TESK2: variants seen among roughly 807,000 people sequenced by gnomAD.
TESK2 encodes dual specificity testis-specific protein kinase 2.
TESK2 carries 39 observed loss-of-function variants against 57.1 expected under a neutral mutation model. The ratio of observed to expected loss-of-function variants is 0.68; its 90% CI spans 0.53 to 0.89. The LOEUF (loss-of-function observed/expected upper bound fraction) is 0.89, where lower values mean the gene tolerates loss of function less well. Ranked by LOEUF, TESK2 falls within the 40% of genes least tolerant of loss-of-function variation. The pLI is 0.00. For synonymous variants in TESK2, 249 were observed against 267.9 expected, an observed-to-expected ratio of 0.93 and a Z score of 0.69; for missense variants, 646 against 732.1, an observed-to-expected ratio of 0.88 and a Z score of 1.36.
chr1:45,432,446 CT>C (rs1201954794), intron 2 of TESK2, among the ~76,000 whole-genome samples: 4 of 151,826 alleles, frequency 2.6e-5, no homozygotes, highest in African/African-American at 9.7e-5. Flanking sequence ...AATCCCAGCA[CT>C]TTTGGAGGCC....
Position 45,421,843 on chromosome 1 carries a change from G to T in TESK2, c.226C>A (p.Arg76=). ...SGFFSEVFKV[R]HRASGQVMAL... ...ATCACCTGACCAGAAGCTCGGTGTCGTACCTAGAATATTAAATAGAACAAG... is the reference window on the plus strand; with the variant it reads ...ATCACCTGACCAGAAGCTCGGTGTCTTACCTAGAATATTAAATAGAACAAG... The change falls in exon 3 of 11, where the codon CGA becomes AGA. Residue 76 remains arginine (R), a synonymous_variant. Transcript: ENST00000372086. The T allele has an allele frequency of 6.2e-7, 1 of 1,613,806 alleles. No individual in the cohort carries two copies. The highest frequency in any genetic ancestry group is 8.5e-7 in the Non-Finnish European group (1 of 1,179,950).
chr1:45,385,710 GTATA>G lies in TESK2; in HGVS notation c.393+198_393+201del, dbSNP rs754585734. On this transcript the variant is annotated intron_variant, in intron 4 of 10. Coordinates refer to ENST00000372086, the MANE Select transcript of TESK2 (RefSeq NM_007170.3). Reference sequence around the variant, plus strand: ...ACTTAAAGTGTATGTGTGTGTGTGTGTATATATATATATATATATATATATAAAG... The same window carrying G: ...ACTTAAAGTGTATGTGTGTGTGTGTGTATATATATATATATATATATAAAG... Among the ~76,000 whole-genome samples, 212 of 135,278 alleles carry G rather than the reference GTATA, an allele frequency of 1.6e-3. 1 individual carries two copies. Among genetic ancestry groups the G allele is most frequent in the East Asian group, 0.014 (70 of 4,832 alleles). The allele number at this position is 135,278 out of a possible 152,430, so 88.7% of individuals were successfully genotyped here.
intron 2 of TESK2, among the ~76,000 whole-genome samples, chr1:45,447,269 C>T (rs1341830516): frequency 6.6e-6 from 1 of 152,122 alleles, no homozygotes; most frequent in African/African-American, 2.4e-5. Context: ...CACAGTAACA[C>T]TTAGCTTAAA....
chr1:45,439,875 T>C (rs1651369486), intron 2 of TESK2, among the ~76,000 whole-genome samples: 1 of 152,112 alleles, frequency 6.6e-6, no homozygotes, highest in Non-Finnish European at 1.5e-5. Context: ...GGAGGATCAC[T>C]TGAGCCCAGC....
At chr1:45,361,032 T>C (rs1448182981) in intron 4 of TESK2, among the ~76,000 whole-genome samples, 1 of 152,098 alleles carries the variant, frequency 6.6e-6, no homozygotes, top group Non-Finnish European at 1.5e-5. Flanking sequence ...TGGCCAGGCT[T>C]GTCTCGAACT....
intron 4 of TESK2, among the ~76,000 whole-genome samples, chr1:45,379,398 A>G (rs1648561696): frequency 6.6e-6 from 1 of 152,188 alleles, no homozygotes; most frequent in African/African-American, 2.4e-5. Flanking sequence ...GCCTGGCCTC[A>G]TATAATCCTC....
chr1:45,454,828 A>T (rs1652010010), intron 2 of TESK2, among the ~76,000 whole-genome samples: 1 of 152,208 alleles, frequency 6.6e-6, no homozygotes, highest in South Asian at 2.1e-4. Context: ...AAGGAATGAA[A>T]TTCTAATATA....
chr1:45,432,376 G>A (rs537431731), intron 2 of TESK2, among the ~76,000 whole-genome samples: 9 of 151,746 alleles, frequency 5.9e-5, no homozygotes, highest in East Asian at 2.0e-4. Flanking sequence ...TTTCAAGTCC[G>A]CTCTTCTACC....
intron 4 of TESK2, among the ~76,000 whole-genome samples, chr1:45,374,514 GA>G (rs1007453618): frequency 5.4e-5 from 8 of 149,418 alleles, no homozygotes; most frequent in South Asian, 2.1e-4. Context: ...TTGAGAGGGA[GA>G]AAAAAAAAGC....
chr1:45,461,068 C>A (rs1043318836), intron 1 of TESK2, among the ~76,000 whole-genome samples: 9 of 151,908 alleles, frequency 5.9e-5, no homozygotes, highest in Non-Finnish European at 1.0e-4. Context: ...ACTGTATTGC[C>A]CAGGCTGGTC....
chr1:45,371,701 A>G (rs1470589219), intron 4 of TESK2, among the ~76,000 whole-genome samples: 1 of 151,424 alleles, frequency 6.6e-6, no homozygotes, highest in Non-Finnish European at 1.5e-5. Context: ...CATCTCTACA[A>G]AAAATACCAA....
At chr1:45,376,704 C>T (rs1179516927) in intron 4 of TESK2, among the ~76,000 whole-genome samples, 1 of 151,946 alleles carries the variant, frequency 6.6e-6, no homozygotes, top group African/African-American at 2.4e-5. Context: ...GGATTTGACA[C>T]AGCTTGGAGA....
At chr1:45,470,272 T>C (rs946916324) in intron 1 of TESK2, among the ~76,000 whole-genome samples, 6 of 152,186 alleles carry the variant, frequency 3.9e-5, no homozygotes, top group Non-Finnish European at 5.9e-5. Flanking sequence ...ACAAGTACAT[T>C]AGCTGTGTAT....
intron 2 of TESK2, among the ~76,000 whole-genome samples, chr1:45,429,257 G>A (rs1043117787): frequency 2.6e-5 from 4 of 152,102 alleles, no homozygotes; most frequent in South Asian, 2.1e-4. Context: ...TTAGCCAGGC[G>A]TGATGGTGCG....
intron 4 of TESK2, among the ~76,000 whole-genome samples, chr1:45,383,967 C>T (rs964905474): frequency 2.0e-5 from 3 of 151,960 alleles, no homozygotes; most frequent in African/African-American, 7.2e-5. Flanking sequence ...ACACTAACAG[C>T]GGTATAGGAC....
intron 1 of TESK2, among the ~76,000 whole-genome samples, chr1:45,468,645 T>C (rs1451294063): frequency 6.6e-6 from 1 of 152,216 alleles, no homozygotes; most frequent in Non-Finnish European, 1.5e-5. Context: ...GTATTATCTA[T>C]TGATACTAAT....
At chr1:45,441,806 G>A (rs1422072138) in intron 2 of TESK2, among the ~76,000 whole-genome samples, 1 of 151,628 alleles carries the variant, frequency 6.6e-6, no homozygotes, top group Non-Finnish European at 1.5e-5. Context: ...TAGTAGAGAC[G>A]GGGTTTCACC....
At chr1:45,396,120 TTTTTA>T (rs1389746915) in intron 3 of TESK2, among the ~76,000 whole-genome samples, 2 of 152,062 alleles carry the variant, frequency 1.3e-5, no homozygotes, top group Non-Finnish European at 2.9e-5. Flanking sequence ...TTTTTATTTA[TTTTTA>T]TTTTGAGACT....
intron 1 of TESK2, among the ~76,000 whole-genome samples, chr1:45,468,464 ATAAC>A (rs1652641246): frequency 6.6e-6 from 1 of 152,220 alleles, no homozygotes; most frequent in South Asian, 2.1e-4. Flanking sequence ...ACAAATTTTA[ATAAC>A]TAATAAAAGG....
Sources: allele counts gnomAD v4.1 joint callset (sites outside exome capture counted in the v4.1 genomes callset), GRCh38; gene constraint gnomAD v4.1.1; transcripts MANE v1.5; gene names NCBI Gene and HGNC (gene_info 2026-07-23, HGNC 2026-07-21).